The following RFTN1 variants were observed in gnomAD, a reference collection of about 807,000 sequenced individuals.
RFTN1 encodes the protein raftlin, lipid raft linker 1.
In RFTN1, 26 loss-of-function variants were observed where a neutral mutation model predicts 46.5. The ratio of observed to expected loss-of-function variants is 0.56; its 90% CI spans 0.41 to 0.78. The LOEUF is 0.78. Ranked by LOEUF, RFTN1 falls within the 30% of genes least tolerant of loss-of-function variation. The probability of loss-of-function intolerance (pLI) is 0.00; values close to 1 mark genes in which losing one functional copy is unlikely to be tolerated. For synonymous variants in RFTN1, 261 were observed against 284.2 expected (o/e 0.92, Z 0.82); for missense variants, 693 against 718.7 (o/e 0.96, Z 0.41).
chr3:16,345,814 GTGTGCGCGCGCGCGTGCGCGCA>G lies in RFTN1; in HGVS notation c.1146+12096_1146+12117del, dbSNP rs1473920680. ...TGTGTGTGTGTGTGTGTGTGTGTGT[GTGTGCGCGCGCGCGTGCGCGCA>G]CGCGCACATGTGCATGTGTATGTGT... On this transcript the variant is annotated intron_variant, in intron 7 of 9. Coordinates refer to ENST00000334133, the MANE Select transcript of RFTN1 (RefSeq NM_015150.2). This position sits in a 1 kb window ranked among gnomAD's most constrained non-coding sequence, Gnocchi z 5.2. Among the ~76,000 whole-genome samples, 513 of 85,988 alleles carry G rather than the reference GTGTGCGCGCGCGCGTGCGCGCA, an allele frequency of 6.0e-3. 6 individuals are homozygous for G. The highest frequency in any genetic ancestry group is 9.5e-3 in the African/African-American group (131 of 13,762). 56.4% of individuals were successfully genotyped at this position (85,988 alleles called of 152,430 possible). A position where few individuals can be genotyped will look rare whatever the true frequency, so the allele number is the denominator to read the frequency against.
At chr3:16,357,821 C>G in intron 7 of RFTN1, 111 bp downstream of exon 7, 1 of 705,724 alleles carries the variant, frequency 1.4e-6, no homozygotes, top group Non-Finnish European at 2.5e-6. Flanking sequence ...AGGTCAACTC[C>G]CTCTCAGAAG....
At chr3:16,397,499 C>T (rs748369316) in intron 4 of RFTN1, among the ~76,000 whole-genome samples, 3 of 152,014 alleles carry the variant, frequency 2.0e-5, no homozygotes, top group Non-Finnish European at 4.4e-5. Flanking sequence ...GCTCTTACCG[C>T]AAAAATGGTA....
intron 2 of RFTN1, among the ~76,000 whole-genome samples, chr3:16,435,446 T>G (rs2075487374): frequency 6.6e-6 from 1 of 152,130 alleles, no homozygotes; most frequent in Admixed American, 6.5e-5. Flanking sequence ...GGTGCATGCC[T>G]GTAATCCCAG....
chr3:16,319,438 A>C (rs186345666), intron 9 of RFTN1, among the ~76,000 whole-genome samples: 135 of 152,332 alleles, frequency 8.9e-4, no homozygotes, highest in African/African-American at 3.2e-3. Flanking sequence ...ACTCATCTCT[A>C]AAATGGTTGT....
In RFTN1 at chr3:16,446,740, TC is replaced by T. The variant is rs1430397961; in HGVS notation, c.146-12704del. On this transcript the variant is annotated intron_variant, in intron 2 of 9. Transcript: ENST00000334133. The surrounding 1 kb of genome is among the most constrained non-coding windows in gnomAD (Gnocchi z 4.5). The stretch of plus-strand genomic sequence containing the variant: ...AGCAGAAAATGGAAAACAAGAGATT[TC>T]CCAAAAAGTGCGGTACCCGAGGGTA... Among the ~76,000 whole-genome samples the T allele has an allele frequency of 6.6e-6, 1 of 152,150 alleles. No homozygotes were observed. Among genetic ancestry groups the T allele is most frequent in the Admixed American group, 6.5e-5 (1 of 15,270 alleles).
intron 2 of RFTN1, among the ~76,000 whole-genome samples, chr3:16,441,099 A>G (rs1371521817): frequency 6.6e-6 from 1 of 152,162 alleles, no homozygotes; most frequent in Non-Finnish European, 1.5e-5. Context: ...ACATGATTGC[A>G]TTTTGAATCT....
At chr3:16,398,244 CAAAAAAAAAAAAAAAA>C (rs202032095) in intron 4 of RFTN1, among the ~76,000 whole-genome samples, 2 of 110,852 alleles carry the variant, frequency 1.8e-5, no homozygotes, top group African/African-American at 5.7e-5. Context: ...AAGACTGTCT[CAAAAAAAAAAAAAAAA>C]AAAAAAAAAA....
Position 16,382,748 on chromosome 3 carries a change from C to T in RFTN1, c.442-4646G>A, listed in dbSNP as rs1559310956. ...TTCACCACACCCTACCACATTTATC[C>T]CCCAGTGTTTCTGGAATTACTTCCT... is the stretch of plus-strand genomic sequence containing the variant. On this transcript the variant is annotated intron_variant, in intron 4 of 9. Transcript: ENST00000334133. This position sits in a 1 kb window ranked among gnomAD's most constrained non-coding sequence, Gnocchi z 4.7. Among the ~76,000 whole-genome samples, 1 of 152,160 alleles carries T rather than the reference C, an allele frequency of 6.6e-6. No homozygotes were observed. The highest frequency in any genetic ancestry group is 2.4e-5 in the African/African-American group (1 of 41,424).
Position 16,448,563 on chromosome 3 carries a change from C to T in RFTN1, c.146-14526G>A, listed in dbSNP as rs73816465. ...CCTTGAAGCACATTAAATTTTTTTT[C>T]TTAACTAACTGTCGCTATTCCAAAT... On this transcript the variant is annotated intron_variant, in intron 2 of 9. Transcript: ENST00000334133. This position sits in a 1 kb window ranked among gnomAD's most constrained non-coding sequence, Gnocchi z 4.1. Among the ~76,000 whole-genome samples the T allele has an allele frequency of 6.6e-3, 1,001 of 152,158 alleles. 12 individuals carry two copies. The highest frequency in any genetic ancestry group is 0.023 in the African/African-American group (938 of 41,498).
At position 16,483,452 on chromosome 3, in the gene RFTN1, T is replaced by C. The variant is rs2076399635; in HGVS notation, c.145+10273A>G. 6.6e-6 allele frequency among the ~76,000 whole-genome samples: 1 copy of C among 152,146 alleles called. No homozygotes were observed. Among genetic ancestry groups the C allele is most frequent in the Non-Finnish European group, 1.5e-5 (1 of 68,022 alleles). On this transcript the variant is annotated intron_variant, in intron 2 of 9. Transcript: ENST00000334133. The surrounding 1 kb of genome is among the most constrained non-coding windows in gnomAD (Gnocchi z 4.8). ...TTAAGCTGAGTCTGTTGACACCTGT[T>C]CTGTAGTGTCAACTGTAGGTGGGGT...
intron 3 of RFTN1, among the ~76,000 whole-genome samples, chr3:16,415,215 A>G (rs2075050675): frequency 1.3e-5 from 2 of 151,916 alleles, no homozygotes; most frequent in South Asian, 4.2e-4. Context: ...GTGTGGAAGG[A>G]GGAAAGCAGA....
chr3:16,467,649 G>C (rs1182418879), intron 2 of RFTN1, among the ~76,000 whole-genome samples: 1 of 152,210 alleles, frequency 6.6e-6, no homozygotes, highest in African/African-American at 2.4e-5. Flanking sequence ...GCCAAAAGAG[G>C]TGATGACCGT....
rs1038466533 is a variant in RFTN1 at position 16,322,559 on chromosome 3, G to A, written c.1332+817C>T. Among the ~76,000 whole-genome samples the A allele has an allele frequency of 1.3e-5, 2 of 152,204 alleles. No homozygotes were observed. Among genetic ancestry groups the A allele is most frequent in the South Asian group, 2.1e-4 (1 of 4,830 alleles). ...GGTGATGCCTGACTCAGGCTTTGGT[G>A]TGTCCACTCGACTCACTGGCCTCTT... On this transcript the variant is annotated intron_variant, in intron 9 of 9. Coordinates refer to ENST00000334133, the MANE Select transcript of RFTN1 (RefSeq NM_015150.2). This position sits in a 1 kb window ranked among gnomAD's most constrained non-coding sequence, Gnocchi z 6.2.
intron 1 of RFTN1, among the ~76,000 whole-genome samples, chr3:16,497,393 T>C (rs2076642950): frequency 6.6e-6 from 1 of 152,216 alleles, no homozygotes; most frequent in Non-Finnish European, 1.5e-5. Context: ...TGCTAGCTTA[T>C]CCAATAAAGC....
rs6773100 is a variant in RFTN1 at position 16,385,050 on chromosome 3, C to A, written c.442-6948G>T. 0.014 allele frequency among the ~76,000 whole-genome samples: 2,162 copies of A among 152,250 alleles called. 51 individuals carry two copies. The highest frequency in any genetic ancestry group is 0.049 in the African/African-American group (2,017 of 41,522). ...TAGATCAGACCACTGCCCACTCCGG[C>A]CCTCCCTCATAACTCACACGCCCCC... On this transcript the variant is annotated intron_variant, in intron 4 of 9. Transcript: ENST00000334133. This position sits in a 1 kb window ranked among gnomAD's most constrained non-coding sequence, Gnocchi z 5.0.
intron 7 of RFTN1, among the ~76,000 whole-genome samples, chr3:16,330,663 G>A (rs1231821336): frequency 6.6e-6 from 1 of 152,216 alleles, no homozygotes; most frequent in Admixed American, 6.5e-5. Context: ...AGCATGTCCT[G>A]TGGTTTTTCA....
chr3:16,323,590 G>C (rs2069331832), intron 8 of RFTN1, 133 bp from the exon 9 acceptor site: 1 of 608,058 alleles, frequency 1.6e-6, no homozygotes, highest in Non-Finnish European at 2.9e-6. Flanking sequence ...AGAGACGCCT[G>C]CTCTACTCTT....
rs1453145981 is a variant in RFTN1 at position 16,483,785 on chromosome 3, T to A, written c.145+9940A>T. Among the ~76,000 whole-genome samples the A allele has an allele frequency of 1.3e-5, 2 of 152,082 alleles. No individual in the cohort carries two copies. The highest frequency in any genetic ancestry group is 3.9e-4 in the East Asian group (2 of 5,194). On this transcript the variant is annotated intron_variant, in intron 2 of 9. Transcript: ENST00000334133. The surrounding 1 kb of genome is among the most constrained non-coding windows in gnomAD (Gnocchi z 4.8). Reference sequence around the variant, plus strand: ...AAAAAAAAAAAAATTGTACTCCACATGATCTTTTAAGGTTCTCCAAGTGTG... The same window carrying A: ...AAAAAAAAAAAAATTGTACTCCACAAGATCTTTTAAGGTTCTCCAAGTGTG...
chr3:16,355,903 C>G (rs950454259), intron 7 of RFTN1, among the ~76,000 whole-genome samples: 1 of 152,242 alleles, frequency 6.6e-6, no homozygotes, highest in Non-Finnish European at 1.5e-5. Context: ...CCTCCCTTAA[C>G]AGCCATTTTA....
Sources: gnomAD v4.1 joint callset for allele counts (sites outside exome capture counted in the v4.1 genomes callset) on GRCh38, gnomAD v4.1.1 for gene constraint, Gnocchi (gnomAD v3.1) non-coding constraint, MANE v1.5 for transcripts, NCBI Gene and HGNC (gene_info 2026-07-23, HGNC 2026-07-21) for gene names.